Variants in BMP2K observed in about 807,000 individuals in gnomAD.
BMP2K encodes the protein BMP2 inducible kinase.
A neutral mutation model predicts 116.0 loss-of-function variants in BMP2K; 74 were observed. The ratio of observed to expected loss-of-function variants is 0.64; its 90% CI spans 0.53 to 0.77. The LOEUF is 0.77. Among genes scored for constraint, BMP2K ranks in the 30% least tolerant of loss-of-function variants. The pLI is 0.00. For synonymous variants in BMP2K, 486 were observed against 502.5 expected, an observed-to-expected ratio of 0.97 and a Z score of 0.44; for missense variants, 1,365 against 1,403.6, an observed-to-expected ratio of 0.97 and a Z score of 0.44.
chr4:78,914,185 C>G lies in BMP2K; in HGVS notation c.*2152C>G, dbSNP rs577739767. The G allele has an allele frequency of 2.0e-5, 3 of 152,046 alleles. No individual in the cohort carries two copies. The South Asian group carries it at 6.2e-4, about 32-fold the overall frequency. 9.4% of individuals were successfully genotyped at this position (152,046 alleles called of 1,614,324 possible). ...ATTTAGAAAAGGGGTAGAGGATGAA[C>G]TAATGTCTCCTTCAGATGTAAACAT... is the stretch of plus-strand genomic sequence containing the variant. On this transcript the variant is annotated 3_prime_UTR_variant, in exon 16 of 16. Coordinates refer to ENST00000502613, the MANE Select transcript of BMP2K (RefSeq NM_198892.2).
chr4:78,782,641 C>G (rs1281812962), intron 1 of BMP2K, among the ~76,000 whole-genome samples: 1 of 152,068 alleles, frequency 6.6e-6, no homozygotes, highest in Non-Finnish European at 1.5e-5. Context: ...CAACTTGAAA[C>G]AGGAAAGAAA....
chr4:78,912,684 T>G lies in BMP2K; in HGVS notation c.*651T>G, dbSNP rs1734713558. 6.6e-6 allele frequency: 1 copy of G among 152,192 alleles called. No homozygotes were observed. The highest frequency in any genetic ancestry group is 6.5e-5 in the Admixed American group (1 of 15,274). The allele number at this position is 152,192 out of a possible 1,614,324, so 9.4% of individuals were successfully genotyped here. On this transcript the variant is annotated 3_prime_UTR_variant, in exon 16 of 16. Coordinates refer to ENST00000502613, the MANE Select transcript of BMP2K (RefSeq NM_198892.2). ...GCATATGAAATAATGTGTAATTAGC[T>G]CAATTTAACTATTCCACAACTTACA...
At chr4:78,857,632 CT>C (rs1433642442) in intron 7 of BMP2K, among the ~76,000 whole-genome samples, 2 of 152,196 alleles carry the variant, frequency 1.3e-5, no homozygotes, top group South Asian at 4.1e-4. Context: ...ATACCCCTTT[CT>C]TTTACTGCAT....
chr4:78,830,855 T>C (rs1730173835), intron 2 of BMP2K, among the ~76,000 whole-genome samples: 1 of 152,212 alleles, frequency 6.6e-6, no homozygotes, highest in Non-Finnish European at 1.5e-5. Context: ...GCTTGATCTG[T>C]CTAGACCGTT....
chr4:78,874,811 C>T (rs1388721398), intron 13 of BMP2K, among the ~76,000 whole-genome samples: 2 of 152,198 alleles, frequency 1.3e-5, no homozygotes, highest in Non-Finnish European at 1.5e-5. Context: ...ATATTAATTA[C>T]TATAGCACTG....
chr4:78,777,724 C>G (rs1024754856), intron 1 of BMP2K, among the ~76,000 whole-genome samples: 1 of 152,264 alleles, frequency 6.6e-6, no homozygotes, highest in Non-Finnish European at 1.5e-5. Flanking sequence ...GTTCTCCGAG[C>G]GTTAGACGTT....
intron 1 of BMP2K, among the ~76,000 whole-genome samples, chr4:78,779,170 T>C (rs1455697938): frequency 6.6e-6 from 1 of 152,234 alleles, no homozygotes; most frequent in Non-Finnish European, 1.5e-5. Flanking sequence ...CTGCTCCTAC[T>C]ATGGTGTTAG....
chr4:78,799,751 G>T (rs1201129519), intron 1 of BMP2K, among the ~76,000 whole-genome samples: 1 of 148,312 alleles, frequency 6.7e-6, no homozygotes, highest in Non-Finnish European at 1.5e-5. Flanking sequence ...TGCTATAAAT[G>T]GGTTATAGGT....
intron 15 of BMP2K, among the ~76,000 whole-genome samples, chr4:78,897,437 A>G (rs1010001179): frequency 1.3e-5 from 2 of 151,484 alleles, no homozygotes; most frequent in Admixed American, 1.3e-4. Context: ...TGTCTCTGCT[A>G]TAATTGAATT....
intron 2 of BMP2K, among the ~76,000 whole-genome samples, chr4:78,829,787 T>TCTCTTCTCTTCTCTTCTCTTCTCTTCTC (rs1730089748): frequency 1.2e-5 from 1 of 86,594 alleles, no homozygotes; most frequent in African/African-American, 4.2e-5. Flanking sequence ...TTTCTTTTCT[T>TCTCTTCTCTTCTCTTCTCTTCTCTTCTC]TTCTCTTCTC....
Position 78,911,781 on chromosome 4 carries a change from C to A in BMP2K, c.3234C>A (p.Asp1078Glu). 2 of 1,614,004 alleles carry A rather than the reference C, an allele frequency of 1.2e-6. No individual in the cohort carries two copies. The highest frequency in any genetic ancestry group is 1.1e-5 in the South Asian group (1 of 91,078). The change falls in exon 16 of 16, where the codon GAC becomes GAA. Residue 1078 changes from aspartate to glutamate, a missense_variant. Asp to Glu is a conservative substitution (Grantham distance 45). Coordinates refer to ENST00000502613, the MANE Select transcript of BMP2K (RefSeq NM_198892.2). The part of the protein sequence containing the change: ...PFGAKPFHSP[D>E]LSWHPPHQGL... The stretch of plus-strand genomic sequence containing the variant: ...GTGCCAAGCCCTTCCATTCTCCAGA[C>A]CTGTCATGGCACCCTCCACATCAGG...
chr4:78,905,916 A>G (rs1478725363), intron 15 of BMP2K, among the ~76,000 whole-genome samples: 1 of 152,070 alleles, frequency 6.6e-6, no homozygotes, highest in Non-Finnish European at 1.5e-5. Flanking sequence ...TGTGCATTGT[A>G]TAGTTATAAC....
At chr4:78,885,750 G>A (rs1035593193) in intron 14 of BMP2K, among the ~76,000 whole-genome samples, 1 of 152,130 alleles carries the variant, frequency 6.6e-6, no homozygotes, top group African/African-American at 2.4e-5. Context: ...TGGAAAGGAG[G>A]TAGAATGAGT....
intron 1 of BMP2K, among the ~76,000 whole-genome samples, chr4:78,804,673 T>C (rs1321256356): frequency 6.6e-6 from 1 of 152,082 alleles, no homozygotes; most frequent in Non-Finnish European, 1.5e-5. Context: ...GTCAGGTTCC[T>C]AATGACTGAT....
intron 1 of BMP2K, among the ~76,000 whole-genome samples, chr4:78,811,959 AT>A (rs1203170701): frequency 1.3e-5 from 2 of 151,890 alleles, no homozygotes; most frequent in African/African-American, 4.8e-5. Flanking sequence ...CACTGAAGTT[AT>A]TTTTTAAAAA....
At chr4:78,784,761 C>T (rs751531452) in intron 1 of BMP2K, among the ~76,000 whole-genome samples, 3 of 152,154 alleles carry the variant, frequency 2.0e-5, no homozygotes, top group Non-Finnish European at 2.9e-5. Flanking sequence ...CCTTCTTGGA[C>T]GCATCTATCG....
At chr4:78,811,520 C>G (rs1230702356) in intron 1 of BMP2K, among the ~76,000 whole-genome samples, 2 of 152,204 alleles carry the variant, frequency 1.3e-5, no homozygotes, top group Non-Finnish European at 2.9e-5. Flanking sequence ...CATGCGATTA[C>G]AAATGCAAGG....
At chr4:78,812,845 C>T (rs1729153853) in intron 1 of BMP2K, among the ~76,000 whole-genome samples, 1 of 152,078 alleles carries the variant, frequency 6.6e-6, no homozygotes, top group Non-Finnish European at 1.5e-5. Context: ...CCAGCCTGGG[C>T]AACATAGTGA....
chr4:78,788,328 G>T (rs761535543), intron 1 of BMP2K, among the ~76,000 whole-genome samples: 17 of 152,020 alleles, frequency 1.1e-4, no homozygotes, highest in Non-Finnish European at 2.4e-4. Context: ...TCACTAACAG[G>T]AGTATGTAAG....
Sources: gnomAD v4.1 joint callset for allele counts (sites outside exome capture counted in the v4.1 genomes callset) on GRCh38, gnomAD v4.1.1 for gene constraint, MANE v1.5 for transcripts, NCBI Gene and HGNC (gene_info 2026-07-23, HGNC 2026-07-21) for gene names.